The following CYRIA variants were observed in gnomAD, a reference collection of about 807,000 sequenced individuals.
CYRIA encodes CYFIP related Rac1 interactor A, also known as CYFIP-related Rac1 interactor A.
Under a neutral mutation model 43.9 loss-of-function variants are expected in CYRIA, and 15 were observed. The ratio of observed to expected loss-of-function variants is 0.34; its 90% CI spans 0.23 to 0.53. The LOEUF is 0.53. CYRIA is among the 20% of genes least tolerant of loss of function. CYRIA has a pLI of 0.94. For synonymous variants in CYRIA, 117 were observed against 136.0 expected, an observed-to-expected ratio of 0.86 and a Z score of 0.97; for missense variants, 236 against 394.2, an observed-to-expected ratio of 0.60 and a Z score of 3.40.
chr2:16,565,742 T>C lies in CYRIA; in HGVS notation c.96A>G (p.Arg32=), dbSNP rs1208719608. 6 of 1,582,928 alleles carry C rather than the reference T, an allele frequency of 3.8e-6. No homozygotes were observed. The highest frequency in any genetic ancestry group is 4.3e-6 in the Non-Finnish European group (5 of 1,156,406). ...FENAQPTEGE[R]EIWNQISAVL... ...CGGCGCTGATCTGGTTCCAGATTTCTCTCTCTCCTTCTGTAGGCTGAGCAT... is the reference window on the plus strand; with the variant it reads ...CGGCGCTGATCTGGTTCCAGATTTCCCTCTCTCCTTCTGTAGGCTGAGCAT... The change falls in exon 4 of 12, where the codon AGA becomes AGG. Residue 32 remains arginine (R), a synonymous_variant. Coordinates refer to ENST00000381323, the MANE Select transcript of CYRIA (RefSeq NM_030797.4).
intron 1 of CYRIA, among the ~76,000 whole-genome samples, chr2:16,648,825 T>C (rs751273478): frequency 6.6e-5 from 10 of 152,212 alleles, no homozygotes; most frequent in Non-Finnish European, 1.2e-4. Context: ...TCCTCCATCA[T>C]AGACCACTAC....
intron 1 of CYRIA, among the ~76,000 whole-genome samples, chr2:16,631,841 C>T (rs988726685): frequency 8.5e-5 from 13 of 152,188 alleles, no homozygotes; most frequent in Non-Finnish European, 1.8e-4. Context: ...GGCCACGCTG[C>T]AGTGAGGACA....
At chr2:16,660,550 C>G (rs1332584275) in intron 1 of CYRIA, among the ~76,000 whole-genome samples, 2 of 152,200 alleles carry the variant, frequency 1.3e-5, no homozygotes, top group Non-Finnish European at 2.9e-5. Context: ...GGGAGAGCTA[C>G]TTGAGGGCAG....
intron 9 of CYRIA, among the ~76,000 whole-genome samples, chr2:16,559,960 A>T (rs1666670059): frequency 1.3e-5 from 2 of 152,216 alleles, no homozygotes; most frequent in Admixed American, 6.5e-5. Context: ...AATTAGGCTC[A>T]TTTCTACGGA....
At chr2:16,575,207 G>A (rs1451787053) in intron 3 of CYRIA, among the ~76,000 whole-genome samples, 2 of 152,172 alleles carry the variant, frequency 1.3e-5, no homozygotes, top group Non-Finnish European at 2.9e-5. Flanking sequence ...TACCCCTGTT[G>A]TATCTAGGAA....
At chr2:16,600,051 T>C (rs7594131) in intron 2 of CYRIA, among the ~76,000 whole-genome samples, 80,311 of 152,102 alleles carry the variant, frequency 0.53, 23,812 homozygotes, top group African/African-American at 0.8. Context: ...CCATCGTGCC[T>C]GGCCAGATTT....
At chr2:16,615,758 A>G (rs1668761051) in intron 2 of CYRIA, among the ~76,000 whole-genome samples, 1 of 152,260 alleles carries the variant, frequency 6.6e-6, no homozygotes, top group Admixed American at 6.5e-5. Flanking sequence ...AGAACAGTCA[A>G]CCTACCTATT....
At chr2:16,614,382 G>A (rs150690152) in intron 2 of CYRIA, among the ~76,000 whole-genome samples, 4 of 152,126 alleles carry the variant, frequency 2.6e-5, no homozygotes, top group African/African-American at 9.7e-5. Context: ...ACAAACAAAC[G>A]CACAAAGTTT....
intron 2 of CYRIA, among the ~76,000 whole-genome samples, chr2:16,618,645 T>A (rs766279787): frequency 6.6e-6 from 1 of 152,162 alleles, no homozygotes; most frequent in East Asian, 1.9e-4. Context: ...GCTGTTGAGA[T>A]GTTTATGCCA....
rs138835312 is a variant in CYRIA at position 16,650,293 on chromosome 2, G to A, written c.-167+15487C>T. Among the ~76,000 whole-genome samples, 4 of 152,292 alleles carry A rather than the reference G, an allele frequency of 2.6e-5. No homozygotes were observed. The highest frequency in any genetic ancestry group is 1.9e-4 in the East Asian group (1 of 5,178). On this transcript the variant is annotated intron_variant, in intron 1 of 11. Transcript: ENST00000381323. The surrounding 1 kb of genome is among the most constrained non-coding windows in gnomAD (Gnocchi z 4.1). ...ATTTTATGGATGACATCCCTAAGACGTAAGAGTGGTTAAGCAATGGCCCAG... is the reference window on the plus strand; with the variant it reads ...ATTTTATGGATGACATCCCTAAGACATAAGAGTGGTTAAGCAATGGCCCAG...
In CYRIA at chr2:16,609,406, C is replaced by G. The variant is rs142584593; in HGVS notation, c.-11+14458G>C. ...CATCTCAATTGTAACATGGATTAGC[C>G]AGAAGACCCTGGGCATGTCATCTCA... On this transcript the variant is annotated intron_variant, in intron 2 of 11. Coordinates refer to ENST00000381323, the MANE Select transcript of CYRIA (RefSeq NM_030797.4). Among the ~76,000 whole-genome samples the G allele has an allele frequency of 1.1e-4, 17 of 152,302 alleles. No individual in the cohort carries two copies. In the East Asian group the frequency reaches 3.3e-3, roughly 29 times the overall value.
chr2:16,565,779 G>C lies in CYRIA; in HGVS notation c.71-12C>G. ...TGTAGGCTGAGCATCTAAGAAACAGGGAAACCGAGAGACAGAGTGCTGGTG... is the reference window on the plus strand; with the variant it reads ...TGTAGGCTGAGCATCTAAGAAACAGCGAAACCGAGAGACAGAGTGCTGGTG... On this transcript the variant is annotated splice_polypyrimidine_tract_variant and intron_variant, in intron 3 of 11. Coordinates refer to ENST00000381323, the MANE Select transcript of CYRIA (RefSeq NM_030797.4). 1.3e-6 allele frequency: 2 copies of C among 1,551,016 alleles called. No individual in the cohort carries two copies. The highest frequency in any genetic ancestry group is 1.8e-6 in the Non-Finnish European group (2 of 1,135,088).
chr2:16,624,162 A>G (rs1010405854), intron 1 of CYRIA, 143 bp from the exon 2 acceptor site: 2 of 152,170 alleles, frequency 1.3e-5, no homozygotes, highest in African/African-American at 4.8e-5. Flanking sequence ...AGTCTTGTCT[A>G]ATTCTTTCAT....
At chr2:16,587,993 T>A (rs1176946119) in intron 3 of CYRIA, 57 bp downstream of exon 3, 3 of 1,105,768 alleles carry the variant, frequency 2.7e-6, no homozygotes, top group Non-Finnish European at 4.0e-6. Flanking sequence ...AACTTCCTTA[T>A]CAACAATCTA....
intron 3 of CYRIA, among the ~76,000 whole-genome samples, chr2:16,575,843 G>A (rs1354371458): frequency 4.0e-5 from 6 of 151,276 alleles, no homozygotes; most frequent in South Asian, 2.1e-4. Flanking sequence ...GCCACAGAGC[G>A]AGACTCCATC....
chr2:16,569,558 T>C (rs1190120803), intron 3 of CYRIA, among the ~76,000 whole-genome samples: 3 of 152,180 alleles, frequency 2.0e-5, no homozygotes, highest in African/African-American at 7.2e-5. Context: ...AGTTCCTGCC[T>C]TCTGGGCCAG....
intron 7 of CYRIA, 84 bp from the exon 8 acceptor site, chr2:16,561,361 A>G: frequency 6.7e-7 from 1 of 1,482,694 alleles, no homozygotes. Context: ...TGAATTACAG[A>G]CAAGGACATT....
At chr2:16,649,663 A>G (rs1450593906) in intron 1 of CYRIA, among the ~76,000 whole-genome samples, 1 of 151,820 alleles carries the variant, frequency 6.6e-6, no homozygotes, top group African/African-American at 2.4e-5. Flanking sequence ...TGTACAGCAC[A>G]GGGAACAGTT....
intron 3 of CYRIA, among the ~76,000 whole-genome samples, chr2:16,567,274 C>T (rs1332781393): frequency 6.6e-6 from 1 of 151,998 alleles, no homozygotes; most frequent in Non-Finnish European, 1.5e-5. Flanking sequence ...CATGGTGGTG[C>T]ATGCCTGTAG....
Sources: allele counts gnomAD v4.1 joint callset (sites outside exome capture counted in the v4.1 genomes callset), GRCh38; gene constraint gnomAD v4.1.1; non-coding constraint Gnocchi (gnomAD v3.1); transcripts MANE v1.5; gene names NCBI Gene and HGNC (gene_info 2026-07-23, HGNC 2026-07-21).